Variants in IGF2BP3 observed in about 807,000 individuals in gnomAD.
The protein encoded by IGF2BP3 is insulin-like growth factor 2 mRNA-binding protein 3.
Under a neutral mutation model 73.8 loss-of-function variants are expected in IGF2BP3, and 9 were observed. The observed-to-expected ratio is 0.12, with a 90% CI of 0.07 to 0.21. The LOEUF (loss-of-function observed/expected upper bound fraction) is 0.21, where lower values mean the gene tolerates loss of function less well. Ranked by LOEUF, IGF2BP3 falls within the 10% of genes least tolerant of loss-of-function variation. The pLI is 1.00. For missense variants in IGF2BP3, 542 were observed against 714.0 expected (o/e 0.76, Z 2.75); for synonymous variants, 258 against 256.7 (o/e 1.01, Z -0.05).
intron 7 of IGF2BP3, 78 bp downstream of exon 7, chr7:23,347,522 C>T: frequency 6.7e-7 from 1 of 1,501,774 alleles, no homozygotes; most frequent in Admixed American, 1.8e-5. Flanking sequence ...TGGCAATTCC[C>T]AAGAATTGTG....
chr7:23,453,019 C>G (rs893804033), intron 2 of IGF2BP3, among the ~76,000 whole-genome samples: 3 of 151,304 alleles, frequency 2.0e-5, no homozygotes, highest in Admixed American at 1.3e-4. Context: ...GGCTGAGGCA[C>G]GAGAATCCCT....
chr7:23,404,633 C>T (rs1483933641), intron 3 of IGF2BP3, among the ~76,000 whole-genome samples: 1 of 152,048 alleles, frequency 6.6e-6, no homozygotes, highest in African/African-American at 2.4e-5. Flanking sequence ...TAGGCAAGAT[C>T]GCAGTAAATT....
At chr7:23,443,536 T>A (rs1184795712) in intron 2 of IGF2BP3, among the ~76,000 whole-genome samples, 1 of 151,864 alleles carries the variant, frequency 6.6e-6, no homozygotes, top group African/African-American at 2.4e-5. Context: ...TGTGGTGGCA[T>A]GCACCTGTAA....
In IGF2BP3 at chr7:23,372,490, G is replaced by A. The variant is rs113655919; in HGVS notation, c.286-10749C>T. ...ACCTCACCCTCCTCCCACCCTTTCC[G>A]CCGAGTACCCAAAGTCCATTGTATC... On this transcript the variant is annotated intron_variant, in intron 3 of 14. Transcript: ENST00000258729. Among the ~76,000 whole-genome samples, 104 of 152,070 alleles carry A rather than the reference G, an allele frequency of 6.8e-4. 1 individual carries two copies. Among genetic ancestry groups the A allele is most frequent in the Non-Finnish European group, 1.1e-3 (75 of 67,988 alleles).
intron 10 of IGF2BP3, among the ~76,000 whole-genome samples, chr7:23,335,838 C>T (rs534483523): frequency 6.6e-6 from 1 of 152,298 alleles, no homozygotes; most frequent in South Asian, 2.1e-4. Context: ...GCTGCCAATT[C>T]CTTCTTCCCT....
At chr7:23,425,975 AAAC>A (rs998027983) in intron 2 of IGF2BP3, among the ~76,000 whole-genome samples, 3 of 138,806 alleles carry the variant, frequency 2.2e-5, no homozygotes, top group Non-Finnish European at 5.0e-5. Context: ...CAAAAAAAAC[AAAC>A]AAAAAAACCC....
At chr7:23,404,229 A>G (rs1445157057) in intron 3 of IGF2BP3, among the ~76,000 whole-genome samples, 1 of 152,168 alleles carries the variant, frequency 6.6e-6, no homozygotes, top group Non-Finnish European at 1.5e-5. Context: ...TCTAAAACCC[A>G]AAGGCAGAGT....
At chr7:23,346,946 AT>A (rs1784844160) in intron 7 of IGF2BP3, among the ~76,000 whole-genome samples, 2 of 152,158 alleles carry the variant, frequency 1.3e-5, no homozygotes, top group Non-Finnish European at 2.9e-5. Flanking sequence ...TAATAATTAC[AT>A]TCTTATGATA....
intron 10 of IGF2BP3, among the ~76,000 whole-genome samples, chr7:23,336,512 T>G (rs1214821687): frequency 3.9e-5 from 6 of 152,096 alleles, no homozygotes; most frequent in Non-Finnish European, 8.8e-5. Context: ...TTTTTTTCTC[T>G]TCTTTTTTTT....
intron 12 of IGF2BP3, 98 bp from the exon 13 acceptor site, chr7:23,313,751 T>G (rs1783897041): frequency 9.1e-7 from 1 of 1,097,500 alleles, no homozygotes; most frequent in South Asian, 1.5e-5. Context: ...GGATAGCCCT[T>G]TGCAGTGATA....
chr7:23,313,095 G>A (rs371227179), intron 13 of IGF2BP3, among the ~76,000 whole-genome samples: 53 of 152,210 alleles, frequency 3.5e-4, no homozygotes, highest in African/African-American at 1.3e-3. Context: ...TGATTCCAAA[G>A]TGTATGTACT....
intron 2 of IGF2BP3, among the ~76,000 whole-genome samples, chr7:23,451,999 T>C (rs989783657): frequency 6.6e-6 from 1 of 151,750 alleles, no homozygotes; most frequent in African/African-American, 2.4e-5. Context: ...TTCCTTTTTT[T>C]TTTTTATTTA....
chr7:23,322,828 A>G (rs914587170), intron 10 of IGF2BP3, among the ~76,000 whole-genome samples: 31 of 152,246 alleles, frequency 2.0e-4, no homozygotes, highest in African/African-American at 7.2e-4. Flanking sequence ...ACTAAGCTTC[A>G]TAAGTAAAGG....
In IGF2BP3 at chr7:23,332,548, G is replaced by A. The variant is rs144375832; in HGVS notation, c.1203+9516C>T. Reference sequence around the variant, plus strand: ...ACTATTATGTGGAGATTTGTGTTAGGGGCCTGTCCTGCACAGCTTGGCCAG... The same window carrying A: ...ACTATTATGTGGAGATTTGTGTTAGAGGCCTGTCCTGCACAGCTTGGCCAG... On this transcript the variant is annotated intron_variant, in intron 10 of 14. Coordinates refer to ENST00000258729, the MANE Select transcript of IGF2BP3 (RefSeq NM_006547.3). 3.0e-3 allele frequency among the ~76,000 whole-genome samples: 463 copies of A among 152,204 alleles called. 1 individual carries two copies. The highest frequency in any genetic ancestry group is 3.1e-3 in the Non-Finnish European group (214 of 67,998).
intron 2 of IGF2BP3, among the ~76,000 whole-genome samples, chr7:23,428,160 G>A (rs1368745579): frequency 6.6e-6 from 1 of 151,704 alleles, no homozygotes; most frequent in Non-Finnish European, 1.5e-5. Context: ...TTAAGAGACA[G>A]AGTGAGACTC....
chr7:23,314,466 T>A (rs1396770031), intron 12 of IGF2BP3, among the ~76,000 whole-genome samples: 1 of 151,892 alleles, frequency 6.6e-6, no homozygotes, highest in Non-Finnish European at 1.5e-5. Flanking sequence ...GAATTACAGG[T>A]GTGAGCCACT....
intron 10 of IGF2BP3, among the ~76,000 whole-genome samples, chr7:23,341,301 C>T (rs1222052656): frequency 6.6e-6 from 1 of 152,148 alleles, no homozygotes; most frequent in African/African-American, 2.4e-5. Context: ...AGAGTCACTC[C>T]TGACCTTTCA....
chr7:23,470,368 C>G lies in IGF2BP3; in HGVS notation c.-258G>C. 2 of 279,146 alleles carry G rather than the reference C, an allele frequency of 7.2e-6. No individual in the cohort carries two copies. The highest frequency in any genetic ancestry group is 9.6e-5 in the South Asian group (1 of 10,438). 17.3% of individuals were successfully genotyped at this position (279,146 alleles called of 1,614,324 possible). Reference sequence around the variant, plus strand: ...AACCCAAACGCATCCACCAGTCTTCCTAAGTCTTAGGAGGAGGCGGGATTA... The same window carrying G: ...AACCCAAACGCATCCACCAGTCTTCGTAAGTCTTAGGAGGAGGCGGGATTA... On this transcript the variant is annotated 5_prime_UTR_variant, in exon 1 of 15. Coordinates refer to ENST00000258729, the MANE Select transcript of IGF2BP3 (RefSeq NM_006547.3).
At chr7:23,394,079 T>G (rs1488374351) in intron 3 of IGF2BP3, among the ~76,000 whole-genome samples, 1 of 152,080 alleles carries the variant, frequency 6.6e-6, no homozygotes, top group Non-Finnish European at 1.5e-5. Flanking sequence ...AAAAAAAAAA[T>G]TATTAGTGTT....
Sources: gnomAD v4.1 joint callset for allele counts (sites outside exome capture counted in the v4.1 genomes callset) on GRCh38, gnomAD v4.1.1 for gene constraint, MANE v1.5 for transcripts, NCBI Gene and HGNC (gene_info 2026-07-23, HGNC 2026-07-21) for gene names.